SMIM20: variants seen among roughly 807,000 people sequenced by gnomAD.
SMIM20 encodes small integral membrane protein 20.
Under a neutral mutation model 8.7 loss-of-function variants are expected in SMIM20, and 3 were observed. The observed-to-expected ratio is 0.34, with a 90% confidence interval of 0.16 to 0.89. The LOEUF (loss-of-function observed/expected upper bound fraction) is 0.89. SMIM20 is among the 40% of genes least tolerant of loss of function. The pLI is 0.49. For missense variants in SMIM20, 85 were observed against 84.8 expected, an observed-to-expected ratio of 1.00 and a Z score of -0.01; for synonymous variants, 44 against 33.6, an observed-to-expected ratio of 1.31 and a Z score of -1.07.
At chr4:25,921,135 G>C (rs1455121645) in intron 1 of SMIM20, among the ~76,000 whole-genome samples, 11 of 152,222 alleles carry the variant, frequency 7.2e-5, no homozygotes, top group African/African-American at 2.7e-4. Context: ...CAAATCTGGG[G>C]ACAGGAAGGC....
intron 1 of SMIM20, among the ~76,000 whole-genome samples, chr4:25,919,257 C>G (rs920553612): frequency 1.3e-5 from 2 of 152,110 alleles, no homozygotes; most frequent in South Asian, 2.1e-4. Flanking sequence ...ACCTGATAAG[C>G]TCTTTTAACT....
chr4:25,918,889 C>CTTTTTTTTT (rs775952783), intron 1 of SMIM20, among the ~76,000 whole-genome samples: 2 of 91,694 alleles, frequency 2.2e-5, no homozygotes, highest in African/African-American at 3.9e-5. Context: ...ATGTGAATAT[C>CTTTTTTTTT]TTTTTTTTTT....
Position 25,914,383 on chromosome 4 carries a change from C to A in SMIM20, c.70C>A (p.Pro24Thr). ...FISLIGAAFY[P>T]IYFRPLMRLE... ...CTCCCTGATCGGCGCCGCCTTCTAT[C>A]CCATCTACTTCCGGCCCCTAATGAG... Residue 24 changes from proline (P) to threonine (T), a missense_variant, in exon 1 of 3, where the codon CCC becomes ACC. Coordinates refer to ENST00000506197, the MANE Select transcript of SMIM20 (RefSeq NM_001145432.3). 3 of 1,541,926 alleles carry A rather than the reference C, an allele frequency of 1.9e-6. No individual in the cohort carries two copies. Among genetic ancestry groups the A allele is most frequent in the Non-Finnish European group, 2.6e-6 (3 of 1,141,156 alleles).
Position 25,914,282 on chromosome 4 carries a change from C to T in SMIM20, c.-32C>T, listed in dbSNP as rs1282069072. ...CTGGTTTCCGAGAGTGCCGGGCGGTCGGCGGGTCAGGGCAGCCCGGGGCCT... is the reference window on the plus strand; with the variant it reads ...CTGGTTTCCGAGAGTGCCGGGCGGTTGGCGGGTCAGGGCAGCCCGGGGCCT... On this transcript the variant is annotated 5_prime_UTR_variant, in exon 1 of 3. Transcript: ENST00000506197. 6 of 1,531,842 alleles carry T rather than the reference C, an allele frequency of 3.9e-6. No homozygotes were observed. The highest frequency in any genetic ancestry group is 5.3e-6 in the Non-Finnish European group (6 of 1,135,224). The allele number at this position is 1,531,842 out of a possible 1,614,324, so 94.9% of individuals were successfully genotyped here.
At chr4:25,926,523 G>C (rs1333678431) in intron 1 of SMIM20, among the ~76,000 whole-genome samples, 1 of 152,248 alleles carries the variant, frequency 6.6e-6, no homozygotes, top group Non-Finnish European at 1.5e-5. Flanking sequence ...CTTCAGCCTT[G>C]CTTCAGCCTC....
In SMIM20 at chr4:25,929,547, G is replaced by A. The variant is rs1711593027; in HGVS notation, c.*356G>A. The A allele has an allele frequency of 5.3e-6, 1 of 189,468 alleles. No individual in the cohort carries two copies. Among genetic ancestry groups the A allele is most frequent in the Non-Finnish European group, 1.1e-5 (1 of 92,722 alleles). The allele number at this position is 189,468 out of a possible 1,614,324, so 11.7% of individuals were successfully genotyped here. On this transcript the variant is annotated 3_prime_UTR_variant, in exon 3 of 3. Coordinates refer to ENST00000506197, the MANE Select transcript of SMIM20 (RefSeq NM_001145432.3). The stretch of plus-strand genomic sequence containing the variant: ...ATGAATACAAGCAACCAGTGGGCTC[G>A]GGAAGGTCCGGGTCTCTTCTGCCAT...
chr4:25,929,232 C>T lies in SMIM20; in HGVS notation c.*41C>T. ...CTCTGATTAAGAAAGGAGATTTCTT[C>T]ATGCTTTCGATTCTGCATGGGGTAC... On this transcript the variant is annotated 3_prime_UTR_variant, in exon 3 of 3. Transcript: ENST00000506197. The T allele has an allele frequency of 6.5e-7, 1 of 1,548,624 alleles. No individual in the cohort carries two copies. Among genetic ancestry groups the T allele is most frequent in the Non-Finnish European group, 8.7e-7 (1 of 1,144,236 alleles).
intron 2 of SMIM20, 24 bp downstream of exon 2, chr4:25,928,393 A>G: frequency 6.5e-7 from 1 of 1,547,966 alleles, no homozygotes; most frequent in Non-Finnish European, 8.7e-7. Flanking sequence ...AAAAAATCAA[A>G]ACCAAATCTT....
At position 25,929,368 on chromosome 4, in the gene SMIM20, A is replaced by C. The variant is rs1452267362; in HGVS notation, c.*177A>C. The stretch of plus-strand genomic sequence containing the variant: ...CACAAGGATTAATATTTCCCTTCTT[A>C]AGTATCAAAAGAACTCTGGAACAAA... On this transcript the variant is annotated 3_prime_UTR_variant, in exon 3 of 3. Coordinates refer to ENST00000506197, the MANE Select transcript of SMIM20 (RefSeq NM_001145432.3). 8 of 580,446 alleles carry C rather than the reference A, an allele frequency of 1.4e-5. No individual in the cohort carries two copies. Among genetic ancestry groups the C allele is most frequent in the Admixed American group, 3.6e-5 (1 of 27,882 alleles). The allele number at this position is 580,446 out of a possible 1,614,324, so 36.0% of individuals were successfully genotyped here. A position where few individuals can be genotyped will look rare whatever the true frequency, so the allele number is the denominator to read the frequency against.
chr4:25,914,915 A>T (rs1719052494), intron 1 of SMIM20, among the ~76,000 whole-genome samples: 1 of 152,112 alleles, frequency 6.6e-6, no homozygotes, highest in Non-Finnish European at 1.5e-5. Context: ...GACAAGGCAA[A>T]TATATCCAAC....
chr4:25,922,377 G>A (rs1379578619), intron 1 of SMIM20, among the ~76,000 whole-genome samples: 3 of 152,232 alleles, frequency 2.0e-5, no homozygotes, highest in Non-Finnish European at 4.4e-5. Context: ...GAAGGATGGT[G>A]TGGATGCTGC....
chr4:25,918,196 C>T, intron 1 of SMIM20, among the ~76,000 whole-genome samples: 1 of 152,068 alleles, frequency 6.6e-6, no homozygotes, highest in East Asian at 1.9e-4. Context: ...CCTGCCTCGG[C>T]CTCCCAAAGT....
intron 2 of SMIM20, 31 bp downstream of exon 2, chr4:25,928,400 T>C: frequency 6.5e-7 from 1 of 1,546,270 alleles, no homozygotes; most frequent in Non-Finnish European, 8.7e-7. Flanking sequence ...CAAAACCAAA[T>C]CTTATTTGTA....
chr4:25,926,604 A>G (rs970207500), intron 1 of SMIM20, among the ~76,000 whole-genome samples: 3 of 152,248 alleles, frequency 2.0e-5, no homozygotes, highest in African/African-American at 7.2e-5. Flanking sequence ...TTGCATCATA[A>G]GAGGTTAGAA....
chr4:25,921,248 A>T (rs1719196882), intron 1 of SMIM20, among the ~76,000 whole-genome samples: 1 of 152,158 alleles, frequency 6.6e-6, no homozygotes, highest in Non-Finnish European at 1.5e-5. Flanking sequence ...TTTAAGAAGC[A>T]AACTGGTGGG....
At chr4:25,928,498 G>T in intron 2 of SMIM20, 129 bp downstream of exon 2, 1 of 909,876 alleles carries the variant, frequency 1.1e-6, no homozygotes, top group Non-Finnish European at 1.6e-6. Context: ...TTGTGATTTT[G>T]CTATTTATTT....
rs1174364756 is a variant in SMIM20 at position 25,914,303 on chromosome 4, G to A, written c.-11G>A. ...CGGTCGGCGGGTCAGGGCAGCCCGG[G>A]GCCTGACGCCATGTCCCGGAACCTG... is the stretch of plus-strand genomic sequence containing the variant. On this transcript the variant is annotated 5_prime_UTR_variant, in exon 1 of 3. Coordinates refer to ENST00000506197, the MANE Select transcript of SMIM20 (RefSeq NM_001145432.3). The A allele has an allele frequency of 6.5e-7, 1 of 1,549,242 alleles. No individual in the cohort carries two copies. Among genetic ancestry groups the A allele is most frequent in the African/African-American group, 1.4e-5 (1 of 73,148 alleles).
intron 1 of SMIM20, among the ~76,000 whole-genome samples, chr4:25,925,969 G>A (rs931082603): frequency 6.6e-6 from 1 of 152,138 alleles, no homozygotes; most frequent in Non-Finnish European, 1.5e-5. Context: ...GCACCAGGGG[G>A]CAGAGTCGGG....
chr4:25,916,808 A>G (rs1254018175), intron 1 of SMIM20, among the ~76,000 whole-genome samples: 2 of 152,070 alleles, frequency 1.3e-5, no homozygotes, highest in Non-Finnish European at 2.9e-5. Flanking sequence ...CTCCTGCCTC[A>G]GCCTCCCAAA....
Sources: allele counts gnomAD v4.1 joint callset (sites outside exome capture counted in the v4.1 genomes callset), GRCh38; gene constraint gnomAD v4.1.1; transcripts MANE v1.5; gene names NCBI Gene and HGNC (gene_info 2026-07-23, HGNC 2026-07-21).